WDR7: variants seen among roughly 807,000 people sequenced by gnomAD.
WDR7 encodes the protein WD repeat-containing protein 7.
Under a neutral mutation model 169.4 loss-of-function variants are expected in WDR7, and 46 were observed. The ratio of observed to expected loss-of-function variants is 0.27; its 90% confidence interval spans 0.21 to 0.35. The LOEUF (loss-of-function observed/expected upper bound fraction) is 0.35. Among genes scored for constraint, WDR7 ranks in the 10% least tolerant of loss-of-function variants. WDR7 has a pLI of 1.00. For missense variants in WDR7, 1,534 were observed against 1,859.3 expected (o/e 0.83, Z 3.22); for synonymous variants, 612 against 666.8 (o/e 0.92, Z 1.27).
At position 56,842,209 on chromosome 18, in the gene WDR7, G is replaced by T. The variant is rs566370177; in HGVS notation, c.3304+26065G>T. Among the ~76,000 whole-genome samples the T allele has an allele frequency of 2.0e-5, 3 of 151,958 alleles. No homozygotes were observed. In the South Asian group the frequency reaches 6.2e-4, roughly 32 times the overall value. On this transcript the variant is annotated intron_variant, in intron 20 of 27. Transcript: ENST00000254442. ...GACTGGGTAATTTATAAAGAATAGAGACTTATTTCTTGGTTCTGGAGGCTA... is the reference window on the plus strand; with the variant it reads ...GACTGGGTAATTTATAAAGAATAGATACTTATTTCTTGGTTCTGGAGGCTA...
At chr18:56,779,789 A>G (rs534239030) in intron 18 of WDR7, among the ~76,000 whole-genome samples, 1 of 152,314 alleles carries the variant, frequency 6.6e-6, no homozygotes, top group Admixed American at 6.5e-5. Context: ...GAAGTCTTAT[A>G]TACTTTATGG....
intron 12 of WDR7, among the ~76,000 whole-genome samples, chr18:56,710,604 T>A (rs2026065857): frequency 6.6e-6 from 1 of 152,228 alleles, no homozygotes; most frequent in Admixed American, 6.5e-5. Flanking sequence ...AGGATTATTT[T>A]CTTTGGATAT....
chr18:56,861,016 G>T (rs1474059143), intron 20 of WDR7, among the ~76,000 whole-genome samples: 1 of 151,742 alleles, frequency 6.6e-6, no homozygotes, highest in Non-Finnish European at 1.5e-5. Context: ...TAACTGTTTT[G>T]CTTTCTATTT....
chr18:56,852,965 A>G (rs541110377), intron 20 of WDR7, among the ~76,000 whole-genome samples: 85 of 152,344 alleles, frequency 5.6e-4, no homozygotes, highest in African/African-American at 2.0e-3. Flanking sequence ...TACCATAGGC[A>G]CACATGCAAA....
chr18:56,862,452 T>C (rs2045820769), intron 20 of WDR7, among the ~76,000 whole-genome samples: 1 of 151,524 alleles, frequency 6.6e-6, no homozygotes, highest in Admixed American at 6.6e-5. Context: ...ACTCACTACA[T>C]TTTAAGAAAT....
intron 26 of WDR7, among the ~76,000 whole-genome samples, chr18:56,968,486 A>G (rs1247376562): frequency 6.6e-6 from 1 of 152,148 alleles, no homozygotes; most frequent in African/African-American, 2.4e-5. Flanking sequence ...CAGAAAAAGC[A>G]TAGAAAAACC....
intron 19 of WDR7, among the ~76,000 whole-genome samples, chr18:56,795,927 T>C (rs976246492): frequency 6.6e-6 from 1 of 152,246 alleles, no homozygotes; most frequent in Non-Finnish European, 1.5e-5. Context: ...TGCACAATTA[T>C]ATTAGCTAAT....
chr18:56,706,993 T>TTA (rs926297461), intron 12 of WDR7, among the ~76,000 whole-genome samples: 19 of 150,740 alleles, frequency 1.3e-4, no homozygotes, highest in African/African-American at 4.1e-4. Context: ...TTTTTATTTT[T>TTA]TTTTTTGAGA....
chr18:56,730,480 T>A lies in WDR7; in HGVS notation c.1775-903T>A, dbSNP rs540850063. The stretch of plus-strand genomic sequence containing the variant: ...GCCAAATAAAGAAGCGTTAAAGTAG[T>A]TGTAGGCCGGGCGTGGTGGCTCATG... On this transcript the variant is annotated intron_variant, in intron 13 of 27. Coordinates refer to ENST00000254442, the MANE Select transcript of WDR7 (RefSeq NM_015285.3). Among the ~76,000 whole-genome samples, 166 of 152,222 alleles carry A rather than the reference T, an allele frequency of 1.1e-3. 1 individual carries two copies. The highest frequency in any genetic ancestry group is 1.2e-3 in the South Asian group (6 of 4,820).
intron 14 of WDR7, among the ~76,000 whole-genome samples, chr18:56,745,696 G>T (rs535784822): frequency 6.6e-6 from 1 of 152,146 alleles, no homozygotes; most frequent in South Asian, 2.1e-4. Flanking sequence ...TGGCCTGAAG[G>T]TTGGGGACCC....
chr18:56,884,382 C>A (rs1370028116), intron 21 of WDR7, among the ~76,000 whole-genome samples: 2 of 152,086 alleles, frequency 1.3e-5, no homozygotes, highest in Non-Finnish European at 2.9e-5. Flanking sequence ...GTTTGAGTTC[C>A]TTGTAGTTTC....
intron 21 of WDR7, among the ~76,000 whole-genome samples, chr18:56,900,883 C>T (rs1457769175): frequency 6.6e-6 from 1 of 152,166 alleles, no homozygotes; most frequent in Non-Finnish European, 1.5e-5. Context: ...CTCCATTGAC[C>T]TCTATCAATG....
intron 15 of WDR7, 96 bp downstream of exon 15, chr18:56,757,448 AT>A: frequency 8.1e-7 from 1 of 1,237,430 alleles, no homozygotes; most frequent in Non-Finnish European, 1.1e-6. Context: ...GCTCTACACA[AT>A]TTTATTATTT....
intron 14 of WDR7, among the ~76,000 whole-genome samples, chr18:56,746,304 A>G (rs914036979): frequency 6.6e-5 from 10 of 152,196 alleles, no homozygotes; most frequent in African/African-American, 2.2e-4. Context: ...TCACACCTCA[A>G]TCACAATCAC....
intron 13 of WDR7, among the ~76,000 whole-genome samples, chr18:56,729,583 G>A (rs2026538373): frequency 6.6e-6 from 1 of 151,736 alleles, no homozygotes; most frequent in African/African-American, 2.4e-5. Flanking sequence ...CATTGTTTTT[G>A]TAACTTCACA....
intron 12 of WDR7, among the ~76,000 whole-genome samples, chr18:56,710,003 G>GTTTTT (rs74182155): frequency 2.3e-5 from 3 of 128,658 alleles, no homozygotes; most frequent in East Asian, 2.2e-4. Context: ...TATATATATA[G>GTTTTT]TTGTTTTTTT....
At chr18:56,802,557 A>G (rs1387639109) in intron 19 of WDR7, among the ~76,000 whole-genome samples, 1 of 147,070 alleles carries the variant, frequency 6.8e-6, no homozygotes, top group Non-Finnish European at 1.5e-5. Context: ...TTTAGTAGAG[A>G]CAGGGTTTCA....
chr18:56,890,266 A>G (rs1217796885), intron 21 of WDR7, among the ~76,000 whole-genome samples: 4 of 152,158 alleles, frequency 2.6e-5, no homozygotes, highest in Admixed American at 6.5e-5. Flanking sequence ...TTGTATTTCA[A>G]TTTTTATATT....
chr18:56,707,387 G>A (rs1432879223), intron 12 of WDR7, among the ~76,000 whole-genome samples: 1 of 150,850 alleles, frequency 6.6e-6, no homozygotes, highest in African/African-American at 2.4e-5. Flanking sequence ...ACAAATTAGG[G>A]ATGACTTCTC....
Sources: allele counts gnomAD v4.1 joint callset (sites outside exome capture counted in the v4.1 genomes callset), GRCh38; gene constraint gnomAD v4.1.1; transcripts MANE v1.5; gene names NCBI Gene and HGNC (gene_info 2026-07-23, HGNC 2026-07-21).